EIF4EBP2: variants seen among roughly 807,000 people sequenced by gnomAD.
The protein encoded by EIF4EBP2 is eukaryotic translation initiation factor 4E binding protein 2.
A neutral mutation model predicts 10.3 loss-of-function variants in EIF4EBP2; 5 were observed. The observed-to-expected ratio is 0.48, with a 90% CI of 0.25 to 1.02. The LOEUF (loss-of-function observed/expected upper bound fraction) is 1.02. EIF4EBP2 is among the 50% of genes least tolerant of loss of function. EIF4EBP2 has a pLI of 0.15. For missense variants in EIF4EBP2, 188 were observed against 162.2 expected (o/e 1.16, Z -0.86); for synonymous variants, 67 against 61.1 (o/e 1.10, Z -0.45).
Position 70,404,292 on chromosome 10 carries a change from C to A in EIF4EBP2, c.-110C>A. On this transcript the variant is annotated 5_prime_UTR_variant, in exon 1 of 3. Transcript: ENST00000373218. ...GGACGAGGGAACGGGAGGAAGCGAG[C>A]GAGGAGCGCGCAGAGCGCGCTTTTC... The A allele has an allele frequency of 7.4e-7, 1 of 1,346,408 alleles. No homozygotes were observed. The highest frequency in any genetic ancestry group is 9.6e-7 in the Non-Finnish European group (1 of 1,036,982). 83.4% of individuals were successfully genotyped at this position (1,346,408 alleles called of 1,614,324 possible).
intron 2 of EIF4EBP2, 71 bp from the exon 3 acceptor site, chr10:70,421,645 G>A: frequency 1.5e-6 from 2 of 1,354,170 alleles, no homozygotes; most frequent in Non-Finnish European, 2.1e-6. Flanking sequence ...TCATTTAGAG[G>A]GAATGACAGT....
chr10:70,405,265 C>T (rs900183314), intron 1 of EIF4EBP2, among the ~76,000 whole-genome samples: 1 of 152,162 alleles, frequency 6.6e-6, no homozygotes. Context: ...GATTGAAGGA[C>T]CTTTGTCAAG....
rs1038709385 is a variant in EIF4EBP2, at chr10:70,423,318, G to A, written c.*1571G>A. On this transcript the variant is annotated 3_prime_UTR_variant, in exon 3 of 3. Transcript: ENST00000373218. ...TTTTGGGTGTGCATGTTTGGAGTTT[G>A]TAGTGGGTGGTTTGTAAAACTGGAC... 4 of 152,638 alleles carry A rather than the reference G, an allele frequency of 2.6e-5. No homozygotes were observed. The highest frequency in any genetic ancestry group is 9.7e-5 in the African/African-American group (4 of 41,438). The allele number at this position is 152,638 out of a possible 1,614,324, so 9.5% of individuals were successfully genotyped here. A position where few individuals can be genotyped will look rare whatever the true frequency, so the allele number is the denominator to read the frequency against.
chr10:70,420,842 T>C (rs1306865511), intron 2 of EIF4EBP2, among the ~76,000 whole-genome samples: 3 of 152,196 alleles, frequency 2.0e-5, no homozygotes, highest in African/African-American at 2.4e-5. Context: ...TTGCCCAGGC[T>C]GGAGTGCAGT....
intron 1 of EIF4EBP2, among the ~76,000 whole-genome samples, chr10:70,406,294 G>A (rs1332007213): frequency 6.6e-6 from 1 of 152,172 alleles, no homozygotes; most frequent in Non-Finnish European, 1.5e-5. Flanking sequence ...TTTTAATCCT[G>A]AAAAATTTTG....
At position 70,420,074 on chromosome 10, in the gene EIF4EBP2, C is replaced by A. The variant is rs753546022; in HGVS notation, c.306C>A (p.Asn102Lys). Residue 102 changes from asparagine to lysine, a missense_variant, in exon 2 of 3, where the codon AAC becomes AAA. Physicochemically the swap from Asn to Lys is moderately conservative, Grantham distance 94. Coordinates refer to ENST00000373218, the MANE Select transcript of EIF4EBP2 (RefSeq NM_004096.5). The stretch of plus-strand genomic sequence containing the variant: ...AAGTAAACAATTTGAACAACTTGAA[C>A]AATCACGACAGGAAACATGCAGTTG... ...KVEVNNLNNLNNHDRKHAVGD... is the reference protein window; with the variant it reads ...KVEVNNLNNLKNHDRKHAVGD... 1.9e-6 allele frequency: 3 copies of A among 1,608,878 alleles called. No individual in the cohort carries two copies. Among genetic ancestry groups the A allele is most frequent in the Non-Finnish European group, 2.5e-6 (3 of 1,178,276 alleles).
At chr10:70,418,670 C>A (rs1422008955) in intron 1 of EIF4EBP2, among the ~76,000 whole-genome samples, 1 of 152,168 alleles carries the variant, frequency 6.6e-6, no homozygotes, top group African/African-American at 2.4e-5. Context: ...AAATTGTTTA[C>A]CCTTTGAAAG....
intron 1 of EIF4EBP2, among the ~76,000 whole-genome samples, chr10:70,409,938 C>T (rs1845026831): frequency 1.3e-5 from 2 of 151,880 alleles, no homozygotes; most frequent in African/African-American, 2.4e-5. Flanking sequence ...TTCATTGGGA[C>T]AGAATTTCAT....
At position 70,410,821 on chromosome 10, in the gene EIF4EBP2, G is replaced by T. The variant is rs146730308; in HGVS notation, c.145+6275G>T. Among the ~76,000 whole-genome samples the T allele has an allele frequency of 4.2e-3, 640 of 152,278 alleles. 9 individuals are homozygous for T. Among genetic ancestry groups the T allele is most frequent in the African/African-American group, 0.014 (600 of 41,546 alleles). ...GTATCTGTTTCTCATCTTTTGGTGG[G>T]CCCTTATGTGAGACATAGCTGGAGA... is the stretch of plus-strand genomic sequence containing the variant. On this transcript the variant is annotated intron_variant, in intron 1 of 2. Transcript: ENST00000373218.
chr10:70,420,024 A>T lies in EIF4EBP2; in HGVS notation c.256A>T (p.Thr86Ser). The change falls in exon 2 of 3, where the codon ACC becomes TCC. Residue 86 changes from threonine (T) to serine (S), a missense_variant. Transcript: ENST00000373218. ...PNIPGVTSPG[T>S]LIEDSKVEVN... Reference sequence around the variant, plus strand: ...TATCCCAGGAGTCACTAGCCCTGGCACCTTAATTGAAGACTCCAAAGTAGA... The same window carrying T: ...TATCCCAGGAGTCACTAGCCCTGGCTCCTTAATTGAAGACTCCAAAGTAGA... The T allele has an allele frequency of 1.2e-6, 2 of 1,613,394 alleles. No homozygotes were observed. The highest frequency in any genetic ancestry group is 1.7e-6 in the Non-Finnish European group (2 of 1,179,810).
Position 70,428,540 on chromosome 10 carries a change from G to A in EIF4EBP2, c.*6793G>A, listed in dbSNP as rs942796153. Reference sequence around the variant, plus strand: ...TAACTATTCTTCCAAACCAGCAGATGTTTGGAAATTAAGGAAAAAATTAAA... The same window carrying A: ...TAACTATTCTTCCAAACCAGCAGATATTTGGAAATTAAGGAAAAAATTAAA... On this transcript the variant is annotated 3_prime_UTR_variant, in exon 3 of 3. Transcript: ENST00000373218. 4.6e-5 allele frequency: 7 copies of A among 152,204 alleles called. No individual in the cohort carries two copies. The highest frequency in any genetic ancestry group is 1.7e-4 in the African/African-American group (7 of 41,450). The allele number at this position is 152,204 out of a possible 1,614,324, so 9.4% of individuals were successfully genotyped here.
At chr10:70,406,649 A>C (rs75649238) in intron 1 of EIF4EBP2, among the ~76,000 whole-genome samples, 2,325 of 152,350 alleles carry the variant, frequency 0.015, 60 homozygotes, top group African/African-American at 0.053. Flanking sequence ...CAAAGATAGA[A>C]GCCTGTCTCA....
rs2137233229 is a variant in EIF4EBP2 at position 70,422,244 on chromosome 10, T to C, written c.*497T>C. 6.5e-6 allele frequency: 1 copy of C among 153,778 alleles called. No homozygotes were observed. Among genetic ancestry groups the C allele is most frequent in the South Asian group, 2.1e-4 (1 of 4,868 alleles). The allele number at this position is 153,778 out of a possible 1,614,324, so 9.5% of individuals were successfully genotyped here. A position where few individuals can be genotyped will look rare whatever the true frequency, so the allele number is the denominator to read the frequency against. On this transcript the variant is annotated 3_prime_UTR_variant, in exon 3 of 3. Transcript: ENST00000373218. ...GTTCAGTGTTGCAAGAGTCTGGGCT[T>C]GGGGTCTTTAAAACCAGCAGGGGGA... is the stretch of plus-strand genomic sequence containing the variant.
rs1771854159 is a variant in EIF4EBP2, at chr10:70,426,300, T to C, written c.*4553T>C. The C allele has an allele frequency of 1.3e-5, 2 of 152,234 alleles. No homozygotes were observed. Among genetic ancestry groups the C allele is most frequent in the Admixed American group, 1.3e-4 (2 of 15,284 alleles). 9.4% of individuals were successfully genotyped at this position (152,234 alleles called of 1,614,324 possible). ...TTTCTGAGACAAGAGTTGCGCCCTG[T>C]CGCCCAGGCTGGGGTGCTGGAGTGC... is the stretch of plus-strand genomic sequence containing the variant. On this transcript the variant is annotated 3_prime_UTR_variant, in exon 3 of 3. Coordinates refer to ENST00000373218, the MANE Select transcript of EIF4EBP2 (RefSeq NM_004096.5).
chr10:70,420,653 AC>A (rs1386229181), intron 2 of EIF4EBP2, among the ~76,000 whole-genome samples: 2 of 152,204 alleles, frequency 1.3e-5, no homozygotes, highest in Non-Finnish European at 2.9e-5. Flanking sequence ...AGGATGATAA[AC>A]CCCAAAAATG....
At chr10:70,408,283 G>A (rs533951085) in intron 1 of EIF4EBP2, among the ~76,000 whole-genome samples, 38 of 151,918 alleles carry the variant, frequency 2.5e-4, no homozygotes, top group South Asian at 4.2e-4. Context: ...AGGGGCGGCC[G>A]GGCAGAGGCG....
chr10:70,406,595 T>A (rs1844966215), intron 1 of EIF4EBP2, among the ~76,000 whole-genome samples: 1 of 152,216 alleles, frequency 6.6e-6, no homozygotes, highest in Admixed American at 6.5e-5. Flanking sequence ...ATAGTCAAGC[T>A]ACCATACTTT....
intron 1 of EIF4EBP2, among the ~76,000 whole-genome samples, chr10:70,411,394 T>TTA (rs1845042644): frequency 6.6e-6 from 1 of 152,092 alleles, no homozygotes; most frequent in Non-Finnish European, 1.5e-5. Context: ...GCTTTTTTTT[T>TTA]TTATTATTAT....
At chr10:70,410,225 A>C (rs1026234282) in intron 1 of EIF4EBP2, among the ~76,000 whole-genome samples, 2 of 151,980 alleles carry the variant, frequency 1.3e-5, no homozygotes, top group African/African-American at 4.8e-5. Flanking sequence ...GCCCACCACC[A>C]CGCGTGGCTG....
Sources: gnomAD v4.1 joint callset for allele counts (sites outside exome capture counted in the v4.1 genomes callset) on GRCh38, gnomAD v4.1.1 for gene constraint, MANE v1.5 for transcripts, NCBI Gene and HGNC (gene_info 2026-07-23, HGNC 2026-07-21) for gene names.